The following MYO10 variants were observed in gnomAD, a reference collection of about 807,000 sequenced individuals.
MYO10 encodes unconventional myosin-X.
Under a neutral mutation model 257.3 loss-of-function variants are expected in MYO10, and 133 were observed. The ratio of observed to expected loss-of-function variants is 0.52; its 90% CI spans 0.45 to 0.60. The LOEUF is 0.60. Ranked by LOEUF, MYO10 falls within the 20% of genes least tolerant of loss-of-function variation. The pLI, the probability that MYO10 is intolerant of heterozygous loss-of-function variation, is 0.00. For missense variants in MYO10, 2,399 were observed against 2,635.7 expected (o/e 0.91, Z 1.97); for synonymous variants, 1,104 against 1,028.6 (o/e 1.07, Z -1.40).
chr5:16,908,753 A>G (rs566283954), intron 1 of MYO10, among the ~76,000 whole-genome samples: 4 of 152,376 alleles, frequency 2.6e-5, no homozygotes, highest in Non-Finnish European at 5.9e-5. Context: ...AATGCATTTT[A>G]CACACATTTA....
chr5:16,851,824 G>A (rs111436904), intron 2 of MYO10, among the ~76,000 whole-genome samples: 2,113 of 152,136 alleles, frequency 0.014, 43 homozygotes, highest in African/African-American at 0.047. Flanking sequence ...AGGCCAAGGC[G>A]GGCAGATCAC....
At chr5:16,881,355 G>A (rs1262669409) in intron 1 of MYO10, among the ~76,000 whole-genome samples, 1 of 152,046 alleles carries the variant, frequency 6.6e-6, no homozygotes, top group Admixed American at 6.6e-5. Flanking sequence ...TCTCACTGTG[G>A]GTCTCTTTAC....
chr5:16,810,655 G>A (rs773914133), intron 3 of MYO10, among the ~76,000 whole-genome samples: 18 of 152,270 alleles, frequency 1.2e-4, no homozygotes, highest in South Asian at 2.1e-4. Context: ...TTAGCCAGGC[G>A]TGGTGGTGCG....
intron 19 of MYO10, among the ~76,000 whole-genome samples, chr5:16,729,394 A>G (rs1304478108): frequency 6.6e-6 from 1 of 151,634 alleles, no homozygotes; most frequent in African/African-American, 2.4e-5. Context: ...AAATCCAAAT[A>G]TTTTTGTATT....
intron 27 of MYO10, among the ~76,000 whole-genome samples, chr5:16,694,009 C>A (rs1252010359): frequency 6.6e-6 from 1 of 152,188 alleles, no homozygotes; most frequent in African/African-American, 2.4e-5. Flanking sequence ...CTGCTGGCAA[C>A]AGCTGGAGTA....
chr5:16,833,165 A>T (rs1057092222), intron 2 of MYO10, among the ~76,000 whole-genome samples: 3 of 152,050 alleles, frequency 2.0e-5, no homozygotes, highest in African/African-American at 7.2e-5. Context: ...ATGTTTCTTT[A>T]AATTTTGAAC....
intron 1 of MYO10, among the ~76,000 whole-genome samples, chr5:16,908,500 C>A (rs1470073539): frequency 6.6e-6 from 1 of 152,132 alleles, no homozygotes; most frequent in Non-Finnish European, 1.5e-5. Flanking sequence ...TGCACTCCAG[C>A]CAGCAAGACT....
At chr5:16,671,690 A>G (rs1736472187) in intron 37 of MYO10, 148 bp from the exon 38 acceptor site, 2 of 1,023,952 alleles carry the variant, frequency 2.0e-6, no homozygotes, top group African/African-American at 3.3e-5. Context: ...GGATAGAGGA[A>G]TAAACAGAGT....
chr5:16,749,092 AT>A, intron 19 of MYO10, among the ~76,000 whole-genome samples: 1 of 151,794 alleles, frequency 6.6e-6, no homozygotes, highest in African/African-American at 2.4e-5. Context: ...TTGATATTCC[AT>A]TTTCCAGCAA....
At position 16,703,053 on chromosome 5, in the gene MYO10, A is replaced by G; in HGVS notation, c.2382T>C (p.Val794=). ...RFLHLKKAAI[V]FQKQLRGQIA... is the part of the protein sequence containing the mutation. Reference sequence around the variant, plus strand: ...TCTGACCTCTGAGTTGCTTCTGGAAAACTATGGCTGCCTTTTTCAGGTGCA... The same window carrying G: ...TCTGACCTCTGAGTTGCTTCTGGAAGACTATGGCTGCCTTTTTCAGGTGCA... The change falls in exon 23 of 41, where the codon GTT becomes GTC. Residue 794 remains valine (V), a synonymous_variant. Transcript: ENST00000513610. 2 of 1,557,646 alleles carry G rather than the reference A, an allele frequency of 1.3e-6. No homozygotes were observed. Among genetic ancestry groups the G allele is most frequent in the Non-Finnish European group, 1.7e-6 (2 of 1,149,362 alleles).
At chr5:16,817,911 C>G in intron 3 of MYO10, 98 bp downstream of exon 3, 1 of 1,065,574 alleles carries the variant, frequency 9.4e-7, no homozygotes, top group East Asian at 3.0e-5. Context: ...CTTAGATTAA[C>G]AAGAATTCTC....
intron 2 of MYO10, among the ~76,000 whole-genome samples, chr5:16,836,508 A>C (rs1025875464): frequency 6.6e-6 from 1 of 152,214 alleles, no homozygotes; most frequent in Non-Finnish European, 1.5e-5. Flanking sequence ...ACATGTGCCC[A>C]AGAAGATGGG....
At chr5:16,843,295 T>C (rs564322095) in intron 2 of MYO10, among the ~76,000 whole-genome samples, 2 of 152,358 alleles carry the variant, frequency 1.3e-5, no homozygotes, top group East Asian at 3.9e-4. Flanking sequence ...GCAACTTGCA[T>C]GTGTATGCAA....
chr5:16,849,252 G>A (rs1743729751), intron 2 of MYO10, among the ~76,000 whole-genome samples: 1 of 152,180 alleles, frequency 6.6e-6, no homozygotes, highest in South Asian at 2.1e-4. Context: ...AAACATTAGA[G>A]ATTGTATCCC....
intron 1 of MYO10, among the ~76,000 whole-genome samples, chr5:16,878,892 G>A (rs1004632466): frequency 3.3e-5 from 5 of 151,798 alleles, no homozygotes; most frequent in Non-Finnish European, 7.4e-5. Flanking sequence ...GACACTGTTC[G>A]GGTGATGGGT....
At chr5:16,927,707 T>C (rs910697249) in intron 1 of MYO10, among the ~76,000 whole-genome samples, 3 of 152,194 alleles carry the variant, frequency 2.0e-5, no homozygotes, top group Non-Finnish European at 2.9e-5. Context: ...TGGGTGAAGG[T>C]AGAGCTATTA....
intron 1 of MYO10, among the ~76,000 whole-genome samples, chr5:16,886,932 C>CAAAAAAAAAA (rs75535220): frequency 9.8e-6 from 1 of 101,900 alleles, no homozygotes. Flanking sequence ...ACTCCATCTC[C>CAAAAAAAAAA]AAAAAAAAAA....
At chr5:16,832,316 AG>A (rs1743186184) in intron 2 of MYO10, among the ~76,000 whole-genome samples, 1 of 152,224 alleles carries the variant, frequency 6.6e-6, no homozygotes, top group African/African-American at 2.4e-5. Context: ...AGGCTTAAAA[AG>A]GAAATCAGTC....
At chr5:16,927,130 T>C (rs1409388550) in intron 1 of MYO10, among the ~76,000 whole-genome samples, 1 of 152,212 alleles carries the variant, frequency 6.6e-6, no homozygotes, top group African/African-American at 2.4e-5. Flanking sequence ...TACTCTTGCC[T>C]CTGGCCCCAC....
Sources: allele counts gnomAD v4.1 joint callset (sites outside exome capture counted in the v4.1 genomes callset), GRCh38; gene constraint gnomAD v4.1.1; transcripts MANE v1.5; gene names NCBI Gene and HGNC (gene_info 2026-07-23, HGNC 2026-07-21).